Variants in RBFOX1 observed in about 807,000 individuals in gnomAD.
RBFOX1 encodes RNA binding protein fox-1 homolog 1.
In RBFOX1, 8 loss-of-function variants were observed where a neutral mutation model predicts 57.7. The observed-to-expected ratio is 0.14, with a 90% CI of 0.08 to 0.25. The LOEUF is 0.25. Among genes scored for constraint, RBFOX1 ranks in the 10% least tolerant of loss-of-function variants. The pLI is 1.00. For missense variants in RBFOX1, 611 were observed against 548.5 expected (o/e 1.11, Z -1.14); for synonymous variants, 326 against 222.4 (o/e 1.47, Z -4.15).
intron 3 of RBFOX1, among the ~76,000 whole-genome samples, chr16:5,861,043 A>G (rs1299723762): frequency 1.3e-5 from 2 of 152,238 alleles, no homozygotes; most frequent in Non-Finnish European, 2.9e-5. Flanking sequence ...CTGGTGTACC[A>G]GAGAGAACCA....
At chr16:6,257,228 C>G (rs1019374524) in intron 1 of RBFOX1, among the ~76,000 whole-genome samples, 52 of 152,054 alleles carry the variant, frequency 3.4e-4, no homozygotes, top group Non-Finnish European at 7.4e-5. Flanking sequence ...GTATTAAGCC[C>G]TGCATGTGCT....
chr16:6,874,155 G>C (rs2061418468), intron 3 of RBFOX1: 1 of 141,502 alleles, frequency 7.1e-6, no homozygotes, highest in Admixed American at 7.3e-5. Context: ...CAGTGAATAA[G>C]TGGATAAAGA....
chr16:7,206,838 A>G (rs140029155), intron 4 of RBFOX1, among the ~76,000 whole-genome samples: 90 of 152,220 alleles, frequency 5.9e-4, no homozygotes, highest in African/African-American at 2.0e-3. Context: ...TAAACAATCA[A>G]TTCTCTTCTT....
At chr16:5,429,284 C>G (rs891980559) in intron 1 of RBFOX1, among the ~76,000 whole-genome samples, 8 of 152,192 alleles carry the variant, frequency 5.3e-5, no homozygotes, top group Non-Finnish European at 1.2e-4. Context: ...GACTGCTGGC[C>G]CTCTGAGAGT....
intron 2 of RBFOX1, among the ~76,000 whole-genome samples, chr16:6,592,335 C>T (rs995130654): frequency 6.6e-6 from 1 of 152,172 alleles, no homozygotes; most frequent in African/African-American, 2.4e-5. Flanking sequence ...TACATTTCTT[C>T]TCCTTTCTCT....
chr16:5,447,419 C>A (rs936360650), intron 1 of RBFOX1, among the ~76,000 whole-genome samples: 2 of 121,388 alleles, frequency 1.6e-5, no homozygotes, highest in Admixed American at 7.7e-5. Context: ...TCGACGCAGT[C>A]TTGCTGTTTC....
intron 4 of RBFOX1, among the ~76,000 whole-genome samples, chr16:7,335,264 C>T (rs2096764838): frequency 1.3e-5 from 2 of 152,172 alleles, no homozygotes; most frequent in African/African-American, 4.8e-5. Context: ...TGGGTTTCTT[C>T]CTCACTCAGG....
intron 7 of RBFOX1, among the ~76,000 whole-genome samples, chr16:7,591,655 C>G (rs1321679400): frequency 6.6e-6 from 1 of 152,156 alleles, no homozygotes; most frequent in Non-Finnish European, 1.5e-5. Context: ...AAGGTAAACT[C>G]TGGGAAGGTG....
intron 1 of RBFOX1, among the ~76,000 whole-genome samples, chr16:5,386,564 C>G (rs1194787769): frequency 6.6e-6 from 1 of 152,184 alleles, no homozygotes; most frequent in African/African-American, 2.4e-5. Flanking sequence ...CACTGGCCAT[C>G]TCACTGCAGC....
chr16:6,284,015 G>A (rs906535533), intron 1 of RBFOX1, among the ~76,000 whole-genome samples: 6 of 152,054 alleles, frequency 3.9e-5, no homozygotes, highest in African/African-American at 1.4e-4. Flanking sequence ...GGATGGTGCT[G>A]GAATGGATGG....
intron 3 of RBFOX1, among the ~76,000 whole-genome samples, chr16:6,907,818 C>T (rs1325537099): frequency 1.3e-5 from 2 of 151,736 alleles, no homozygotes; most frequent in Admixed American, 1.3e-4. Flanking sequence ...AGGTGAACCA[C>T]CCGCCTCGGC....
intron 1 of RBFOX1, among the ~76,000 whole-genome samples, chr16:5,282,990 G>C (rs866265616): frequency 6.6e-6 from 1 of 152,154 alleles, no homozygotes; most frequent in African/African-American, 2.4e-5. Context: ...TGGTTTTGTG[G>C]GCTGGAACCA....
intron 4 of RBFOX1, among the ~76,000 whole-genome samples, chr16:7,395,240 T>G (rs192327213): frequency 6.6e-6 from 1 of 152,166 alleles, no homozygotes; most frequent in Admixed American, 6.5e-5. Context: ...TTACAAAGCT[T>G]AGGTGACAGA....
In RBFOX1 at chr16:5,434,046, AG is replaced by A; in HGVS notation, c.220-33165del. On this transcript the variant is annotated intron_variant, in intron 1 of 2. Transcript: ENST00000585867. ...TTGAGTTGGGGTAGGGGCGGGGAGA[AG>A]GGGGTGTCTGACATCAGAGCCTTGC... 2.7e-5 allele frequency among the ~76,000 whole-genome samples: 4 copies of A among 149,330 alleles called. 1 individual carries two copies. The Middle Eastern group carries it at 0.014, about 515-fold the overall frequency.
intron 14 of RBFOX1, among the ~76,000 whole-genome samples, chr16:7,688,005 C>T (rs1488962197): frequency 2.0e-5 from 3 of 151,988 alleles, no homozygotes; most frequent in Non-Finnish European, 4.4e-5. Context: ...ATTTAAAAAA[C>T]AATCCTAGCT....
chr16:7,673,122 C>T (rs145311108), intron 13 of RBFOX1, among the ~76,000 whole-genome samples: 1 of 152,080 alleles, frequency 6.6e-6, no homozygotes, highest in Non-Finnish European at 1.5e-5. Context: ...GTACATGTTA[C>T]AGTCCTACCG....
intron 3 of RBFOX1, among the ~76,000 whole-genome samples, chr16:5,839,318 G>T (rs2061945754): frequency 6.6e-6 from 1 of 152,138 alleles, no homozygotes; most frequent in Non-Finnish European, 1.5e-5. Context: ...ATTTCTGTTA[G>T]TCTCTAACTG....
chr16:7,282,509 T>C (rs911431659), intron 4 of RBFOX1, among the ~76,000 whole-genome samples: 5 of 152,194 alleles, frequency 3.3e-5, no homozygotes, highest in Non-Finnish European at 7.3e-5. Flanking sequence ...CCTTTTGCTC[T>C]TGCACCCTCT....
intron 2 of RBFOX1, among the ~76,000 whole-genome samples, chr16:6,425,289 C>T (rs72760922): frequency 6.6e-6 from 1 of 152,272 alleles, no homozygotes; most frequent in Non-Finnish European, 1.5e-5. Context: ...ATTGGGCTCT[C>T]ACTTTAAGCA....
Sources: allele counts gnomAD v4.1 joint callset (sites outside exome capture counted in the v4.1 genomes callset), GRCh38; gene constraint gnomAD v4.1.1; transcripts MANE v1.5; gene names NCBI Gene and HGNC (gene_info 2026-07-23, HGNC 2026-07-21).